Variants in IL17REL observed in about 807,000 individuals in gnomAD.
IL17REL encodes the protein interleukin 17 receptor E like, also known as interleukin-17 receptor E-like protein.
A neutral mutation model predicts 49.0 loss-of-function variants in IL17REL; 36 were observed. The ratio of observed to expected loss-of-function variants is 0.73; its 90% CI spans 0.56 to 0.97. The LOEUF (loss-of-function observed/expected upper bound fraction) is 0.97, where lower values mean the gene tolerates loss of function less well. Ranked by LOEUF, IL17REL falls within the 50% of genes least tolerant of loss-of-function variation. The probability of loss-of-function intolerance (pLI) is 0.00; values close to 1 mark genes in which losing one functional copy is unlikely to be tolerated. For synonymous variants in IL17REL, 206 were observed against 192.4 expected (o/e 1.07, Z -0.58); for missense variants, 470 against 453.9 (o/e 1.04, Z -0.32).
At chr22:49,997,433 T>G in intron 10 of IL17REL, 1 of 1,611,042 alleles carries the variant, frequency 6.2e-7, no homozygotes, top group Non-Finnish European at 8.5e-7. Flanking sequence ...GAGAAGAAGG[T>G]GACCCGGAGG....
chr22:49,999,368 C>G, intron 6 of IL17REL, 23 bp from the exon 9 acceptor site: 1 of 1,612,810 alleles, frequency 6.2e-7, no homozygotes, highest in East Asian at 2.2e-5. Context: ...CTGGGGTCAG[C>G]GCAGCCCACC....
chr22:50,005,631 G>A (rs1429251179), intron 1 of IL17REL, among the ~76,000 whole-genome samples: 5 of 152,080 alleles, frequency 3.3e-5, no homozygotes, highest in Middle Eastern at 3.4e-3. Context: ...GTGAAACCCC[G>A]TCTCTGCTAA....
chr22:49,994,764 T>C (rs1056007099), exon 13 of IL17REL: 3 of 152,418 alleles, frequency 2.0e-5, no homozygotes, highest in African/African-American at 4.8e-5. Context: ...GGTGAGACGA[T>C]GTCCAGGCTC....
rs959009588 is a variant in IL17REL, at chr22:50,005,605, C to T, written c.-42+3032G>A. 3.9e-5 allele frequency among the ~76,000 whole-genome samples: 6 copies of T among 152,012 alleles called. 1 individual carries two copies. Among genetic ancestry groups the T allele is most frequent in the African/African-American group, 9.7e-5 (4 of 41,388 alleles). On this transcript the variant is annotated intron_variant, in intron 1 of 12. Coordinates refer to ENST00000341280, the Ensembl canonical transcript of IL17REL. The stretch of plus-strand genomic sequence containing the variant: ...TCACTTCGGGTCAGGAGTTCGAGAC[C>T]AGCCTGGCCAACATGGTGAAACCCC...
exon 2 of IL17REL, chr22:50,001,131 A>C (rs2061077667): frequency 2.5e-6 from 4 of 1,606,266 alleles, no homozygotes; most frequent in Non-Finnish European, 3.4e-6. Flanking sequence ...CGCAGCCGTC[A>C]GAGGGGACAC....
chr22:50,000,916 T>A (rs1378347585), intron 2 of IL17REL, 53 bp from the exon 4 acceptor site: 16 of 1,391,944 alleles, frequency 1.1e-5, no homozygotes, highest in Non-Finnish European at 1.5e-5. Context: ...CGCCCCTGGC[T>A]CCGGACGGGG....
At chr22:50,010,074 T>A (rs189781492), upstream of IL17REL, among the ~76,000 whole-genome samples, 8 of 145,606 alleles carry the variant, frequency 5.5e-5, no homozygotes, top group East Asian at 1.4e-3. Flanking sequence ...GGCCTCTGAG[T>A]CTTCGTTCTC....
chr22:49,991,970 T>C (rs1253902559), downstream of IL17REL, among the ~76,000 whole-genome samples: 1 of 152,146 alleles, frequency 6.6e-6, no homozygotes. Flanking sequence ...AAGAAGTACA[T>C]TGGTTCTGTC....
intron 1 of IL17REL, among the ~76,000 whole-genome samples, 181 bp downstream of exon 2, chr22:50,008,456 G>A (rs2061121564): frequency 2.6e-5 from 4 of 152,176 alleles, no homozygotes; most frequent in Non-Finnish European, 5.9e-5. Flanking sequence ...GCCTTGCCTG[G>A]GTGTGGCCAG....
At chr22:49,999,869 G>A (rs1236715630) in exon 5 of IL17REL, 1 of 1,543,992 alleles carries the variant, frequency 6.5e-7, no homozygotes, top group East Asian at 2.5e-5. Flanking sequence ...AACCGCTTGA[G>A]GCAGAGCCGC....
At chr22:50,000,924 G>A in intron 2 of IL17REL, 61 bp from the exon 4 acceptor site, 1 of 1,371,316 alleles carries the variant, frequency 7.3e-7, no homozygotes, top group Non-Finnish European at 9.8e-7. Context: ...GCTCCGGACG[G>A]GGCCGTGGGA....
downstream of IL17REL, among the ~76,000 whole-genome samples, chr22:49,992,904 A>G (rs1045361131): frequency 1.3e-5 from 2 of 152,150 alleles, no homozygotes; most frequent in African/African-American, 2.4e-5. Context: ...GGCGGGAGCC[A>G]CCGTGCCCAG....
intron 1 of IL17REL, among the ~76,000 whole-genome samples, chr22:50,002,091 C>T (rs1040917880): frequency 1.3e-5 from 2 of 152,234 alleles, no homozygotes; most frequent in East Asian, 3.8e-4. Context: ...GCAGCACAGG[C>T]CACAGCCTCC....
upstream of IL17REL, among the ~76,000 whole-genome samples, chr22:50,010,953 C>T (rs574369373): frequency 2.5e-3 from 385 of 151,992 alleles, 7 homozygotes; most frequent in Middle Eastern, 6.9e-3. Context: ...GGCCCCACCC[C>T]GCCCAAGCTC....
intron 1 of IL17REL, among the ~76,000 whole-genome samples, chr22:50,005,524 G>A (rs1047178779): frequency 7.2e-5 from 11 of 152,254 alleles, no homozygotes; most frequent in Non-Finnish European, 1.5e-4. Flanking sequence ...TACCTGGGCC[G>A]GGCGCGGTGG....
At chr22:50,001,291 G>A in intron 1 of IL17REL, 60 bp from the exon 3 acceptor site, 1 of 737,998 alleles carries the variant, frequency 1.4e-6, no homozygotes, top group African/African-American at 1.8e-5. Flanking sequence ...AGGCTTTGTG[G>A]GTGGTTCTGG....
At position 49,999,413 on chromosome 22, in the gene IL17REL, G is replaced by A. The variant is rs775743205; in HGVS notation, c.546+18C>T. The A allele has an allele frequency of 3.1e-6, 5 of 1,612,486 alleles. No homozygotes were observed. The African/African-American group carries it at 5.3e-5, about 17-fold the overall frequency. ...GCTCCCCTCACCCGCCCCAAGTCCA[G>A]GCCACACCTCCACCGACCTCCAGGC... On this transcript the variant is annotated intron_variant, in intron 6 of 12. Transcript: ENST00000341280.
rs1464873167 is a variant in IL17REL, at chr22:49,998,173, A to ACGGCAGC, written c.731_737dup (p.Lys247LeufsTer3). 3 of 1,610,302 alleles carry ACGGCAGC rather than the reference A, an allele frequency of 1.9e-6. No homozygotes were observed. The South Asian group carries it at 3.3e-5, about 18-fold the overall frequency. On this transcript the variant is annotated frameshift_variant, in exon 8 of 13. Coordinates refer to ENST00000341280, the Ensembl canonical transcript of IL17REL. LOFTEE classifies it high-confidence loss of function. ...CCAGCTGGCTGGATTGCTGCAGCTTACGGCAGCCGGCCCCCGGCCCCGGGC... is the reference window on the plus strand; with the variant it reads ...CCAGCTGGCTGGATTGCTGCAGCTTACGGCAGCCGGCAGCCGGCCCCCGGCCCCGGGC...
At chr22:49,996,622 T>C (rs946626393) in exon 13 of IL17REL, 1 of 180,578 alleles carries the variant, frequency 5.5e-6, no homozygotes, top group Non-Finnish European at 1.1e-5. Context: ...AATGCAAGGC[T>C]GGAGGGCAGT....
Sources: gnomAD v4.1 joint callset for allele counts (sites outside exome capture counted in the v4.1 genomes callset) on GRCh38, gnomAD v4.1.1 for gene constraint, MANE v1.5 for transcripts, NCBI Gene and HGNC (gene_info 2026-07-23, HGNC 2026-07-21) for gene names.